The following ZNF589 variants were observed in gnomAD, a reference collection of about 807,000 sequenced individuals.
The protein encoded by ZNF589 is zinc finger protein 589, also known as KRAB-zinc finger protein SZF1-1.
ZNF589 carries 17 observed loss-of-function variants against 13.6 expected under a neutral mutation model. The observed-to-expected ratio is 1.25, with a 90% CI of 0.86 to 1.88. The LOEUF (loss-of-function observed/expected upper bound fraction) is 1.88. Among genes scored for constraint, ZNF589 ranks in the 40% most tolerant of loss-of-function variants. The pLI is 0.00. For synonymous variants in ZNF589, 148 were observed against 161.6 expected (o/e 0.92, Z 0.64); for missense variants, 407 against 434.0 (o/e 0.94, Z 0.55).
At chr3:48,265,944 A>AC (rs1479260164) in intron 3 of ZNF589, among the ~76,000 whole-genome samples, 1 of 152,168 alleles carries the variant, frequency 6.6e-6, no homozygotes. Flanking sequence ...GTAGGGCTTT[A>AC]CATAAAGACC....
At chr3:48,252,698 T>C (rs2033852806) in intron 2 of ZNF589, among the ~76,000 whole-genome samples, 1 of 143,800 alleles carries the variant, frequency 7.0e-6, no homozygotes, top group African/African-American at 2.6e-5. Context: ...CTCGGCTCAC[T>C]GCAGGCTCCG....
intron 1 of ZNF589, among the ~76,000 whole-genome samples, chr3:48,246,919 C>T (rs766194429): frequency 2.0e-5 from 3 of 152,162 alleles, no homozygotes; most frequent in Admixed American, 6.5e-5. Context: ...CGGCCTGCCT[C>T]GGCCTCCCAA....
At chr3:48,243,949 G>A (rs182498563) in intron 1 of ZNF589, among the ~76,000 whole-genome samples, 2 of 152,300 alleles carry the variant, frequency 1.3e-5, no homozygotes, top group African/African-American at 4.8e-5. Context: ...CAACATGGGC[G>A]GAGGCACATC....
At position 48,270,481 on chromosome 3, in the gene ZNF589, A is replaced by G. The variant is rs1411090031; in HGVS notation, c.*1695A>G. ...CTCGGGTGGCTAAATTACATCCAGG[A>G]ATGGTGCCAGGGCCTTTAGCCATTT... On this transcript the variant is annotated 3_prime_UTR_variant, in exon 4 of 4. Transcript: ENST00000354698. The G allele has an allele frequency of 5.6e-6, 2 of 356,030 alleles. No homozygotes were observed. Among genetic ancestry groups the G allele is most frequent in the East Asian group, 1.5e-4 (2 of 13,634 alleles). The allele number at this position is 356,030 out of a possible 1,614,324, so 22.1% of individuals were successfully genotyped here.
rs765767807 is a variant in ZNF589, at chr3:48,260,802, G to C, written c.97-11G>C. The C allele has an allele frequency of 3.1e-6, 5 of 1,613,900 alleles. No homozygotes were observed. The highest frequency in any genetic ancestry group is 4.2e-6 in the Non-Finnish European group (5 of 1,179,960). ...GTGACTTGATGAATATGAATTTATCGGTTGATTTAGGGACCAGTGACTTTC... is the reference window on the plus strand; with the variant it reads ...GTGACTTGATGAATATGAATTTATCCGTTGATTTAGGGACCAGTGACTTTC... On this transcript the variant is annotated splice_polypyrimidine_tract_variant and intron_variant, in intron 2 of 3. Transcript: ENST00000354698.
At chr3:48,252,352 C>T (rs904702168) in intron 2 of ZNF589, among the ~76,000 whole-genome samples, 26 of 151,774 alleles carry the variant, frequency 1.7e-4, no homozygotes, top group East Asian at 9.7e-4. Context: ...CTGCCATGCA[C>T]GGCTAATTTT....
chr3:48,258,101 A>G, intron 2 of ZNF589: 1 of 286,130 alleles, frequency 3.5e-6, no homozygotes, highest in South Asian at 3.1e-5. Flanking sequence ...TTAAATCTAT[A>G]GATCATTTTG....
rs2034054640 is a variant in ZNF589, at chr3:48,268,805, A to G, written c.*19A>G. The G allele has an allele frequency of 6.2e-7, 1 of 1,600,798 alleles. No individual in the cohort carries two copies. The highest frequency in any genetic ancestry group is 1.3e-5 in the African/African-American group (1 of 74,690). Reference sequence around the variant, plus strand: ...AGATTGAGGCCGAGGCTTTGTAAGGAGATCATGTCTCAACACACACCAGAG... The same window carrying G: ...AGATTGAGGCCGAGGCTTTGTAAGGGGATCATGTCTCAACACACACCAGAG... On this transcript the variant is annotated 3_prime_UTR_variant, in exon 4 of 4. Transcript: ENST00000354698.
chr3:48,258,311 A>T lies in ZNF589; in HGVS notation c.97-2502A>T, dbSNP rs376727304. On this transcript the variant is annotated intron_variant, in intron 2 of 3. Transcript: ENST00000354698. ...TTGTAAATGGTATGTTTTTAATTTC[A>T]GTTTCCACATGGTCGTTGTTAATCT... 2.6e-5 allele frequency among the ~76,000 whole-genome samples: 4 copies of T among 152,220 alleles called. No homozygotes were observed. The South Asian group carries it at 8.3e-4, about 32-fold the overall frequency.
intron 3 of ZNF589, among the ~76,000 whole-genome samples, chr3:48,264,007 C>T (rs1003660310): frequency 1.3e-5 from 2 of 151,930 alleles, no homozygotes; most frequent in African/African-American, 2.4e-5. Context: ...TAGAATATAC[C>T]AGTGATATGT....
chr3:48,249,034 T>A (rs1311893938), intron 2 of ZNF589, among the ~76,000 whole-genome samples: 1 of 152,092 alleles, frequency 6.6e-6, no homozygotes, highest in Non-Finnish European at 1.5e-5. Flanking sequence ...GCAAATTACT[T>A]CATTATCAGG....
intron 2 of ZNF589, among the ~76,000 whole-genome samples, chr3:48,259,517 G>T (rs866736324): frequency 1.3e-5 from 2 of 152,140 alleles, no homozygotes; most frequent in South Asian, 4.1e-4. Flanking sequence ...GAGTGCCAAG[G>T]ACCACTTGGA....
intron 2 of ZNF589, among the ~76,000 whole-genome samples, chr3:48,249,036 A>G (rs1380295041): frequency 6.6e-6 from 1 of 151,794 alleles, no homozygotes; most frequent in Admixed American, 6.6e-5. Flanking sequence ...AAATTACTTC[A>G]TTATCAGGGA....
At chr3:48,266,354 C>T (rs942266634) in intron 3 of ZNF589, among the ~76,000 whole-genome samples, 8 of 152,170 alleles carry the variant, frequency 5.3e-5, no homozygotes, top group Non-Finnish European at 2.9e-5. Context: ...GACACCCAGC[C>T]CAACTGCTCC....
intron 3 of ZNF589, among the ~76,000 whole-genome samples, chr3:48,266,107 ACT>A (rs1445176336): frequency 2.6e-5 from 4 of 152,040 alleles, no homozygotes; most frequent in Admixed American, 2.0e-4. Flanking sequence ...ACCACAAATA[ACT>A]CTGAACTTTT....
At chr3:48,265,152 AGTAGAG>A (rs2106848082) in intron 3 of ZNF589, among the ~76,000 whole-genome samples, 1 of 149,314 alleles carries the variant, frequency 6.7e-6, no homozygotes, top group African/African-American at 2.5e-5. Context: ...TTGTATCTTT[AGTAGAG>A]ATGAGGTTTC....
intron 2 of ZNF589, chr3:48,256,927 A>C (rs1454362689): frequency 1.5e-6 from 1 of 688,104 alleles, no homozygotes; most frequent in Non-Finnish European, 2.6e-6. Flanking sequence ...CCAGAGCCTC[A>C]AAGGCCGCCA....
intron 2 of ZNF589, 149 bp downstream of exon 2, chr3:48,247,826 G>T: frequency 1.5e-6 from 1 of 687,446 alleles, no homozygotes; most frequent in Admixed American, 4.1e-5. Flanking sequence ...TATTATAATG[G>T]TTTTTGCACT....
At chr3:48,244,717 A>C (rs980834084) in intron 1 of ZNF589, among the ~76,000 whole-genome samples, 1 of 151,490 alleles carries the variant, frequency 6.6e-6, no homozygotes, top group Admixed American at 6.6e-5. Flanking sequence ...TTTTTCTTGC[A>C]AACCCAAGGA....
Sources: allele counts gnomAD v4.1 joint callset (sites outside exome capture counted in the v4.1 genomes callset), GRCh38; gene constraint gnomAD v4.1.1; transcripts MANE v1.5; gene names NCBI Gene and HGNC (gene_info 2026-07-23, HGNC 2026-07-21).